CFAP54: variants seen among roughly 807,000 people sequenced by gnomAD.
The protein encoded by CFAP54 is cilia and flagella associated protein 54.
In CFAP54, 290 loss-of-function variants were observed where a neutral mutation model predicts 370.4. The ratio of observed to expected loss-of-function variants is 0.78; its 90% CI spans 0.71 to 0.86. CFAP54 has a LOEUF of 0.86. Among genes scored for constraint, CFAP54 ranks in the 40% least tolerant of loss-of-function variants. The pLI is 0.00. For missense variants in CFAP54, 3,399 were observed against 3,528.7 expected (o/e 0.96, Z 0.93); for synonymous variants, 1,206 against 1,236.5 (o/e 0.98, Z 0.52).
intron 19 of CFAP54, among the ~76,000 whole-genome samples, chr12:96,568,755 T>C (rs1032100282): frequency 3.3e-5 from 5 of 152,192 alleles, no homozygotes; most frequent in Admixed American, 1.3e-4. Flanking sequence ...ATCCTGTCTC[T>C]GTTTTTCAGA....
rs1565888069 is a variant in CFAP54 at position 96,535,542 on chromosome 12, C to T, written c.1733C>T (p.Ser578Leu). ...ACTTGTTTGAAGACTTGTGGATATT[C>T]AGAGGATATTTTCCATTTGGCAGCA... Reference protein sequence around the residue: ...HDTCLKTCGYSEDIFHLAATL... With the variant: ...HDTCLKTCGYLEDIFHLAATL... The change falls in exon 12 of 68, where the codon TCA becomes TTA. Residue 578 changes from serine to leucine, a missense_variant. Physicochemically the swap from Ser to Leu is moderately radical, Grantham distance 145. Coordinates refer to ENST00000524981, the MANE Select transcript of CFAP54 (RefSeq NM_001306084.2). The T allele has an allele frequency of 1.3e-6, 2 of 1,535,622 alleles. No homozygotes were observed. Among genetic ancestry groups the T allele is most frequent in the Admixed American group, 3.9e-5 (2 of 50,966 alleles).
At chr12:96,624,680 AC>A (rs1312225642) in intron 28 of CFAP54, among the ~76,000 whole-genome samples, 2 of 152,194 alleles carry the variant, frequency 1.3e-5, no homozygotes, top group Non-Finnish European at 2.9e-5. Flanking sequence ...ACGAGGCTCT[AC>A]TTTTGCCCCA....
intron 50 of CFAP54, among the ~76,000 whole-genome samples, chr12:96,730,374 G>A (rs1303341611): frequency 6.6e-6 from 1 of 152,154 alleles, no homozygotes; most frequent in African/African-American, 2.4e-5. Context: ...TTATAAATCA[G>A]ATGAAGAAAC....
chr12:96,758,800 G>T (rs1162032824), intron 58 of CFAP54, among the ~76,000 whole-genome samples: 1 of 152,052 alleles, frequency 6.6e-6, no homozygotes, highest in African/African-American at 2.4e-5. Flanking sequence ...CTTGTGAAAT[G>T]GCAGACTCTG....
Position 96,562,861 on chromosome 12 carries a change from A to T in CFAP54, c.2411-1607A>T, listed in dbSNP as rs558859903. On this transcript the variant is annotated intron_variant, in intron 17 of 67. Coordinates refer to ENST00000524981, the MANE Select transcript of CFAP54 (RefSeq NM_001306084.2). Reference sequence around the variant, plus strand: ...ACTTCTCCTATGACCTGCTGGGTGTAGAGGGAAGCAAGTAATAATTAAAAT... The same window carrying T: ...ACTTCTCCTATGACCTGCTGGGTGTTGAGGGAAGCAAGTAATAATTAAAAT... Among the ~76,000 whole-genome samples, 22 of 152,318 alleles carry T rather than the reference A, an allele frequency of 1.4e-4. No homozygotes were observed. The South Asian group carries it at 4.1e-3, about 29-fold the overall frequency.
At chr12:96,587,048 C>G (rs1956081460) in intron 22 of CFAP54, among the ~76,000 whole-genome samples, 1 of 152,022 alleles carries the variant, frequency 6.6e-6, no homozygotes, top group East Asian at 1.9e-4. Context: ...ATTAGCTGAC[C>G]AATTGAAAGG....
Position 96,681,132 on chromosome 12 carries a change from C to A in CFAP54, c.5716+1380C>A, listed in dbSNP as rs565597882. Reference sequence around the variant, plus strand: ...AAAAGCACCCCCCCACACACACACACAAAAAGTGGGTAAGGGCATAAATAA... The same window carrying A: ...AAAAGCACCCCCCCACACACACACAAAAAAAGTGGGTAAGGGCATAAATAA... On this transcript the variant is annotated intron_variant, in intron 40 of 67. Coordinates refer to ENST00000524981, the MANE Select transcript of CFAP54 (RefSeq NM_001306084.2). Among the ~76,000 whole-genome samples, 442 of 146,362 alleles carry A rather than the reference C, an allele frequency of 3.0e-3. 1 individual carries two copies. The highest frequency in any genetic ancestry group is 0.01 in the Middle Eastern group (3 of 290).
At chr12:96,822,997 A>G (rs1959049598) in intron 65 of CFAP54, among the ~76,000 whole-genome samples, 1 of 152,130 alleles carries the variant, frequency 6.6e-6, no homozygotes, top group Non-Finnish European at 1.5e-5. Flanking sequence ...CCCATTATCT[A>G]CATTCTGCAC....
chr12:96,833,507 CGT>C (rs34316003), intron 66 of CFAP54, among the ~76,000 whole-genome samples: 55,049 of 143,778 alleles, frequency 0.38, 10,203 homozygotes, highest in East Asian at 0.46. Flanking sequence ...CACACGCGTA[CGT>C]GTGTGTGTGT....
Position 96,589,460 on chromosome 12 carries a change from A to G in CFAP54, c.3109A>G (p.Lys1037Glu), listed in dbSNP as rs1361790666. Residue 1037 changes from lysine to glutamate, a missense_variant, in exon 23 of 68, where the codon AAG becomes GAG. Coordinates refer to ENST00000524981, the MANE Select transcript of CFAP54 (RefSeq NM_001306084.2). ...TCAAGTTGGTAACTATGAATTGGCT[A>G]AGAAAGTTTTCTCACCAGTTTGGGA... Reference protein sequence around the residue: ...AYQVGNYELAKKVFSPVWDYF... With the variant: ...AYQVGNYELAEKVFSPVWDYF... 1 of 1,532,844 alleles carries G rather than the reference A, an allele frequency of 6.5e-7. No individual in the cohort carries two copies. Among genetic ancestry groups the G allele is most frequent in the East Asian group, 2.4e-5 (1 of 40,834 alleles). 95.0% of individuals were successfully genotyped at this position (1,532,844 alleles called of 1,614,324 possible).
At chr12:96,633,509 C>A (rs576460298) in intron 32 of CFAP54, among the ~76,000 whole-genome samples, 8 of 152,292 alleles carry the variant, frequency 5.3e-5, no homozygotes, top group Non-Finnish European at 1.0e-4. Flanking sequence ...TCTATGCAAT[C>A]TGTAGAATTT....
intron 26 of CFAP54, among the ~76,000 whole-genome samples, chr12:96,614,362 C>A (rs1198863498): frequency 6.6e-6 from 1 of 152,122 alleles, no homozygotes; most frequent in African/African-American, 2.4e-5. Flanking sequence ...TGGGACATAT[C>A]TCAAAATAAT....
intron 47 of CFAP54, 60 bp from the exon 48 acceptor site, chr12:96,708,548 T>C: frequency 7.0e-7 from 1 of 1,420,390 alleles, no homozygotes; most frequent in Non-Finnish European, 9.7e-7. Context: ...AGAATGAATA[T>C]AATAATATCT....
intron 40 of CFAP54, among the ~76,000 whole-genome samples, chr12:96,684,321 C>G (rs10431437): frequency 0.16 from 25,018 of 152,088 alleles, 2,479 homozygotes; most frequent in East Asian, 0.48. Flanking sequence ...CAGTCATGCC[C>G]ATCATTCCTA....
chr12:96,499,745 AGACCAGCCT>A lies in CFAP54; in HGVS notation c.318-1087_318-1079del, dbSNP rs550103097. Reference sequence around the variant, plus strand: ...TGGATTACCTGAGGTCAGGAGTTTGAGACCAGCCTGGCCCACATGGTGAAACCCTGTCTC... The same window carrying A: ...TGGATTACCTGAGGTCAGGAGTTTGAGGCCCACATGGTGAAACCCTGTCTC... On this transcript the variant is annotated intron_variant, in intron 1 of 67. Transcript: ENST00000524981. Among the ~76,000 whole-genome samples, 643 of 152,210 alleles carry A rather than the reference AGACCAGCCT, an allele frequency of 4.2e-3. 7 individuals carry two copies. The highest frequency in any genetic ancestry group is 0.015 in the African/African-American group (608 of 41,512).
chr12:96,693,466 G>A (rs1957409733), intron 44 of CFAP54, among the ~76,000 whole-genome samples: 1 of 152,154 alleles, frequency 6.6e-6, no homozygotes, highest in Non-Finnish European at 1.5e-5. Context: ...TTAAAGAGAT[G>A]TGCAACCTAG....
intron 26 of CFAP54, among the ~76,000 whole-genome samples, chr12:96,618,729 C>T (rs934162133): frequency 6.6e-6 from 1 of 152,168 alleles, no homozygotes; most frequent in African/African-American, 2.4e-5. Context: ...CACATGCTAC[C>T]TTTCTCAGCT....
At chr12:96,745,620 A>G (rs1958106153) in intron 55 of CFAP54, among the ~76,000 whole-genome samples, 1 of 151,820 alleles carries the variant, frequency 6.6e-6, no homozygotes, top group Non-Finnish European at 1.5e-5. Flanking sequence ...CCCATTCTGT[A>G]GGTTGTCTGT....
chr12:96,826,651 A>AAATATATTATATATAAATATATAATATAT (rs1228681781), intron 65 of CFAP54, among the ~76,000 whole-genome samples: 11 of 109,104 alleles, frequency 1.0e-4, no homozygotes, highest in African/African-American at 3.4e-4. Context: ...AGTATATATT[A>AAATATATTATATATAAATATATAATATAT]AATATATTAT....
Sources: gnomAD v4.1 joint callset for allele counts (sites outside exome capture counted in the v4.1 genomes callset) on GRCh38, gnomAD v4.1.1 for gene constraint, MANE v1.5 for transcripts, NCBI Gene and HGNC (gene_info 2026-07-23, HGNC 2026-07-21) for gene names.